Variants in NFX1 observed in about 807,000 individuals in gnomAD.
NFX1 encodes nuclear transcription factor, X-box binding 1.
A neutral mutation model predicts 137.2 loss-of-function variants in NFX1; 69 were observed. The observed-to-expected ratio is 0.50, with a 90% CI of 0.41 to 0.61. The LOEUF is 0.61. Ranked by LOEUF, NFX1 falls within the 20% of genes least tolerant of loss-of-function variation. The pLI, the probability that NFX1 is intolerant of heterozygous loss-of-function variation, is 0.00. For missense variants in NFX1, 1,167 were observed against 1,391.0 expected, an observed-to-expected ratio of 0.84 and a Z score of 2.56; for synonymous variants, 495 against 474.1, an observed-to-expected ratio of 1.04 and a Z score of -0.57.
chr9:33,325,817 A>G (rs1289774220), intron 9 of NFX1, among the ~76,000 whole-genome samples: 1 of 152,246 alleles, frequency 6.6e-6, no homozygotes, highest in Non-Finnish European at 1.5e-5. Context: ...GCTATAAGCA[A>G]GTAAACCCAA....
intron 9 of NFX1, among the ~76,000 whole-genome samples, chr9:33,327,359 C>A (rs1822632351): frequency 6.6e-6 from 1 of 151,434 alleles, no homozygotes; most frequent in African/African-American, 2.4e-5. Context: ...ATTTAAAAAA[C>A]AAGATCCAAC....
At position 33,366,763 on chromosome 9, in the gene NFX1, C is replaced by A. The variant is rs1218560853; in HGVS notation, c.3174C>A (p.Val1058=). The A allele has an allele frequency of 6.2e-7, 1 of 1,613,950 alleles. No individual in the cohort carries two copies. Among genetic ancestry groups the A allele is most frequent in the South Asian group, 1.1e-5 (1 of 91,042 alleles). Residue 1058 remains valine (V), a synonymous_variant, in exon 22 of 24, where the codon GTC becomes GTA. Coordinates refer to ENST00000379540, the MANE Select transcript of NFX1 (RefSeq NM_002504.6). ...YDSEPKRNVV[V]TAIRGKSVCP... ...GTGAACCGAAGCGCAATGTGGTGGT[C>A]ACTGCCATCAGGTAGGTCAATCCCG...
chr9:33,359,341 G>T (rs1221401936), intron 19 of NFX1, among the ~76,000 whole-genome samples: 1 of 152,152 alleles, frequency 6.6e-6, no homozygotes, highest in Non-Finnish European at 1.5e-5. Context: ...GCTCACGCCT[G>T]TAATCCCAGC....
intron 10 of NFX1, 51 bp downstream of exon 10, chr9:33,328,729 T>C: frequency 7.0e-7 from 1 of 1,421,014 alleles, no homozygotes. Flanking sequence ...TTCTTTAAAA[T>C]GGTGATTATG....
chr9:33,316,014 G>A (rs1020503865), intron 7 of NFX1, among the ~76,000 whole-genome samples: 3 of 152,048 alleles, frequency 2.0e-5, no homozygotes, highest in South Asian at 2.1e-4. Flanking sequence ...TCACTGAGAC[G>A]GAGGACTGAT....
chr9:33,292,982 C>T (rs916878885), intron 1 of NFX1, among the ~76,000 whole-genome samples: 3 of 152,230 alleles, frequency 2.0e-5, no homozygotes, highest in Non-Finnish European at 4.4e-5. Flanking sequence ...TGAGGCCCTC[C>T]ATCCCATCCC....
Position 33,320,154 on chromosome 9 carries a change from G to A in NFX1, c.1906+1027G>A, listed in dbSNP as rs111733942. On this transcript the variant is annotated intron_variant, in intron 9 of 23. Transcript: ENST00000379540. Reference sequence around the variant, plus strand: ...TTTTTTTTTGTATTTTTGTAGAGACGGGGTTTCACCATGTTGGCCAAGCTG... The same window carrying A: ...TTTTTTTTTGTATTTTTGTAGAGACAGGGTTTCACCATGTTGGCCAAGCTG... 6.5e-3 allele frequency among the ~76,000 whole-genome samples: 979 copies of A among 151,574 alleles called. 9 individuals carry two copies. Among genetic ancestry groups the A allele is most frequent in the African/African-American group, 0.023 (943 of 41,312 alleles).
chr9:33,338,517 A>G lies in NFX1; in HGVS notation c.2043A>G (p.Thr681=). ...TTTAATTTGCCACAGCAGATGCTAC[A>G]TTTATGTGTGACAAGCGGTGTAACA... The part of the protein sequence containing the change: ...PCTSLKSEDA[T]FMCDKRCNKK... The change falls in exon 12 of 24, where the codon ACA becomes ACG. Residue 681 remains threonine, a synonymous_variant. Coordinates refer to ENST00000379540, the MANE Select transcript of NFX1 (RefSeq NM_002504.6). The G allele has an allele frequency of 6.2e-7, 1 of 1,607,520 alleles. No homozygotes were observed. Among genetic ancestry groups the G allele is most frequent in the Non-Finnish European group, 8.5e-7 (1 of 1,178,276 alleles).
intron 17 of NFX1, chr9:33,353,013 G>A: frequency 1.9e-5 from 6 of 308,314 alleles, no homozygotes; most frequent in Non-Finnish European, 3.6e-5. Context: ...AAAGTGCTGG[G>A]ATCACAGGCG....
intron 6 of NFX1, among the ~76,000 whole-genome samples, chr9:33,313,021 C>T (rs1296316568): frequency 6.6e-6 from 1 of 152,162 alleles, no homozygotes; most frequent in Non-Finnish European, 1.5e-5. Flanking sequence ...AGGATAATGC[C>T]ATTGTGCTGT....
At chr9:33,335,814 C>T (rs568958378) in intron 11 of NFX1, among the ~76,000 whole-genome samples, 37 of 152,254 alleles carry the variant, frequency 2.4e-4, no homozygotes, top group Non-Finnish European at 4.7e-4. Context: ...CTTTTGTGCC[C>T]TGCTTCTTTC....
In NFX1 at chr9:33,347,061, G is replaced by C; in HGVS notation, c.2368G>C (p.Glu790Gln). 1 of 1,613,464 alleles carries C rather than the reference G, an allele frequency of 6.2e-7. No individual in the cohort carries two copies. Among genetic ancestry groups the C allele is most frequent in the Non-Finnish European group, 8.5e-7 (1 of 1,179,510 alleles). ...AGTATATCATTCTTGTCATAGTGAG[G>C]AGAAGTGTCCCCCTTGCACTTTCCT... ...HPVYHSCHSE[E>Q]KCPPCTFLTQ... Residue 790 changes from glutamate to glutamine, a missense_variant, in exon 15 of 24, where the codon GAG (glutamate) becomes CAG (glutamine). This residue lies in a region of NFX1 where 488 missense variants were observed against 691.5 expected (regional missense o/e 0.71). Coordinates refer to ENST00000379540, the MANE Select transcript of NFX1 (RefSeq NM_002504.6).
chr9:33,319,650 C>T (rs12115251), intron 9 of NFX1, among the ~76,000 whole-genome samples: 7,027 of 152,230 alleles, frequency 0.046, 477 homozygotes, highest in African/African-American at 0.15. Flanking sequence ...GCTGGGACTA[C>T]AGGCGCACAC....
rs772990706 is a variant in NFX1, at chr9:33,319,010, G to A, written c.1789G>A (p.Gly597Ser). 4 of 1,614,056 alleles carry A rather than the reference G, an allele frequency of 2.5e-6. No homozygotes were observed. The highest frequency in any genetic ancestry group is 2.7e-5 in the African/African-American group (2 of 74,928). Residue 597 changes from glycine to serine, a missense_variant, in exon 9 of 24, where the codon GGC becomes AGC. Gly to Ser is a moderately conservative substitution (Grantham distance 56). Around this residue, in one of 3 missense-constraint regions of NFX1, gnomAD observed 488 missense variants for 691.5 expected, o/e 0.71. Coordinates refer to ENST00000379540, the MANE Select transcript of NFX1 (RefSeq NM_002504.6). ...LPQLVRCCPC[G>S]QTPLSQLLEL... Reference sequence around the variant, plus strand: ...CCAGCTGGTGCGCTGTTGCCCCTGTGGCCAAACTCCTCTCAGCCAATTGCT... The same window carrying A: ...CCAGCTGGTGCGCTGTTGCCCCTGTAGCCAAACTCCTCTCAGCCAATTGCT...
intron 15 of NFX1, chr9:33,347,741 C>A: frequency 2.6e-6 from 1 of 378,810 alleles, no homozygotes; most frequent in Non-Finnish European, 5.3e-6. Flanking sequence ...ATGTTTATAG[C>A]AGCACAATTC....
intron 21 of NFX1, chr9:33,365,511 G>T (rs1275695208): frequency 6.6e-6 from 1 of 152,286 alleles, no homozygotes; most frequent in African/African-American, 2.4e-5. Context: ...AGGGGGCTGA[G>T]GCAGGAGGAT....
intron 19 of NFX1, among the ~76,000 whole-genome samples, chr9:33,362,639 G>C (rs1824031588): frequency 6.6e-6 from 1 of 151,220 alleles, no homozygotes; most frequent in Admixed American, 6.6e-5. Flanking sequence ...GTTGAGGAGA[G>C]GTTGGTCAGT....
chr9:33,342,709 G>C, intron 12 of NFX1, 37 bp from the exon 13 acceptor site: 1 of 1,365,722 alleles, frequency 7.3e-7, no homozygotes, highest in Non-Finnish European at 1.0e-6. Context: ...ATAAAATGAA[G>C]ACCATTTTAT....
At chr9:33,344,290 C>T in intron 14 of NFX1, 102 bp downstream of exon 14, 2 of 1,512,828 alleles carry the variant, frequency 1.3e-6, no homozygotes, top group Non-Finnish European at 9.0e-7. Context: ...GCTGTGATGG[C>T]TGCCCCTTGC....
Sources: gnomAD v4.1 joint callset for allele counts (sites outside exome capture counted in the v4.1 genomes callset) on GRCh38, gnomAD v4.1.1 for gene constraint, gnomAD v4.1.1 regional missense constraint, MANE v1.5 for transcripts, NCBI Gene and HGNC (gene_info 2026-07-23, HGNC 2026-07-21) for gene names.